DSCAM: variants seen among roughly 807,000 people sequenced by gnomAD.
The protein encoded by DSCAM is DS cell adhesion molecule, also known as cell adhesion molecule DSCAM.
A neutral mutation model predicts 217.7 loss-of-function variants in DSCAM; 47 were observed. That is an observed-to-expected ratio of 0.22 (90% confidence interval 0.17 to 0.28). The LOEUF (loss-of-function observed/expected upper bound fraction) is 0.28. Among genes scored for constraint, DSCAM ranks in the 10% least tolerant of loss-of-function variants. The probability of loss-of-function intolerance (pLI) is 1.00; values close to 1 mark genes in which losing one functional copy is unlikely to be tolerated. For missense variants in DSCAM, 2,080 were observed against 2,618.3 expected (o/e 0.79, Z 4.49); for synonymous variants, 1,056 against 1,015.3 (o/e 1.04, Z -0.76).
chr21:40,054,392 C>G (rs1482773774), intron 29 of DSCAM, among the ~76,000 whole-genome samples: 1 of 152,162 alleles, frequency 6.6e-6, no homozygotes, highest in Non-Finnish European at 1.5e-5. Flanking sequence ...CAGGAGAACC[C>G]AGGCCTTAGA....
chr21:40,479,966 G>T (rs2075968496), intron 3 of DSCAM, among the ~76,000 whole-genome samples: 1 of 152,144 alleles, frequency 6.6e-6, no homozygotes, highest in Non-Finnish European at 1.5e-5. Context: ...CCAGGTAAAT[G>T]ATAGCAACAT....
intron 3 of DSCAM, among the ~76,000 whole-genome samples, chr21:40,463,512 GC>G (rs1460762523): frequency 6.6e-6 from 1 of 152,030 alleles, no homozygotes; most frequent in Non-Finnish European, 1.5e-5. Flanking sequence ...AGCAGCATAG[GC>G]TCTGATCATC....
chr21:40,256,223 T>C (rs1601489637), intron 11 of DSCAM, among the ~76,000 whole-genome samples: 1 of 152,332 alleles, frequency 6.6e-6, no homozygotes, highest in Non-Finnish European at 1.5e-5. Context: ...CATGTTAAAA[T>C]ATGCACACGT....
chr21:40,208,788 G>GCAGAACAGAAA (rs1157575761), intron 11 of DSCAM, among the ~76,000 whole-genome samples: 1 of 152,160 alleles, frequency 6.6e-6, no homozygotes, highest in Non-Finnish European at 1.5e-5. Context: ...AATATGGAGA[G>GCAGAACAGAAA]GCAGCTGCGG....
chr21:40,427,810 C>A (rs1236780381), intron 3 of DSCAM, among the ~76,000 whole-genome samples: 1 of 152,216 alleles, frequency 6.6e-6, no homozygotes, highest in Non-Finnish European at 1.5e-5. Context: ...GCTGCTATGT[C>A]TTCCTGTGAG....
intron 3 of DSCAM, among the ~76,000 whole-genome samples, chr21:40,387,524 T>C (rs1298662014): frequency 6.6e-6 from 1 of 152,170 alleles, no homozygotes. Flanking sequence ...AAATAACATA[T>C]AGTGACTTCG....
chr21:40,461,709 C>T (rs1447676800), intron 3 of DSCAM, among the ~76,000 whole-genome samples: 1 of 152,120 alleles, frequency 6.6e-6, no homozygotes. Context: ...CTGGATTATC[C>T]ACGTGGGTCC....
At chr21:40,664,575 G>A (rs538508657) in intron 3 of DSCAM, among the ~76,000 whole-genome samples, 3 of 152,312 alleles carry the variant, frequency 2.0e-5, no homozygotes, top group East Asian at 1.9e-4. Context: ...CATTCCACGC[G>A]TTTGACCTGT....
At position 40,768,065 on chromosome 21, in the gene DSCAM, G is replaced by A. The variant is rs2091411532; in HGVS notation, c.44-59294C>T. Among the ~76,000 whole-genome samples the A allele has an allele frequency of 2.0e-5, 3 of 152,342 alleles. No homozygotes were observed. In the South Asian group the frequency reaches 6.2e-4, roughly 32 times the overall value. On this transcript the variant is annotated intron_variant, in intron 1 of 32. Transcript: ENST00000400454. ...ACTACTTATAAAACACTCTAAAGTTGACTAATATAGGCAAACACTGTTAAA... is the reference window on the plus strand; with the variant it reads ...ACTACTTATAAAACACTCTAAAGTTAACTAATATAGGCAAACACTGTTAAA...
intron 3 of DSCAM, among the ~76,000 whole-genome samples, chr21:40,457,903 G>T (rs2075776531): frequency 1.3e-5 from 2 of 152,078 alleles, no homozygotes; most frequent in South Asian, 4.1e-4. Context: ...GTTAAAACAG[G>T]GTAGAAAGCA....
intron 9 of DSCAM, among the ~76,000 whole-genome samples, chr21:40,307,237 G>GA (rs199623023): frequency 0.2 from 29,218 of 145,818 alleles, 4,940 homozygotes; most frequent in African/African-American, 0.47. Flanking sequence ...AAATTTACAA[G>GA]AAAAAAAAAA....
chr21:40,639,457 C>T (rs1006066617), intron 3 of DSCAM, among the ~76,000 whole-genome samples: 2 of 151,914 alleles, frequency 1.3e-5, no homozygotes, highest in African/African-American at 4.8e-5. Flanking sequence ...TTATTTTGTG[C>T]GCTCATGTTT....
chr21:40,832,739 G>C (rs2092021893), intron 1 of DSCAM, among the ~76,000 whole-genome samples: 1 of 152,162 alleles, frequency 6.6e-6, no homozygotes, highest in African/African-American at 2.4e-5. Context: ...GTGATAGGGT[G>C]CAAGGAAAAA....
At chr21:40,414,671 A>G (rs2075354256) in intron 3 of DSCAM, among the ~76,000 whole-genome samples, 1 of 152,230 alleles carries the variant, frequency 6.6e-6, no homozygotes, top group Admixed American at 6.5e-5. Context: ...GCAGTGTGAA[A>G]TACATTGATC....
At chr21:40,666,348 C>T (rs2090199411) in intron 3 of DSCAM, among the ~76,000 whole-genome samples, 1 of 152,166 alleles carries the variant, frequency 6.6e-6, no homozygotes, top group African/African-American at 2.4e-5. Flanking sequence ...GTATCATCCT[C>T]ATCATTTTCC....
chr21:40,296,181 A>G lies in DSCAM; in HGVS notation c.2063-7T>C, dbSNP rs2073951961. On this transcript the variant is annotated splice_region_variant and splice_polypyrimidine_tract_variant and intron_variant, in intron 9 of 32. Coordinates refer to ENST00000400454, the MANE Select transcript of DSCAM (RefSeq NM_001389.5). ...ACCACAAACTTGGGAGGAACTGAAA[A>G]GAGAGAAATGTCACCAGTAATTAAG... 1.2e-6 allele frequency: 2 copies of G among 1,613,784 alleles called. No homozygotes were observed. Among genetic ancestry groups the G allele is most frequent in the Non-Finnish European group, 8.5e-7 (1 of 1,179,854 alleles).
In DSCAM at chr21:40,417,557, A is replaced by AAAT. The variant is rs1427643676; in HGVS notation, c.509-48313_509-48312insATT. 7.7e-4 allele frequency among the ~76,000 whole-genome samples: 63 copies of AAAT among 81,308 alleles called. No homozygotes were observed. In the East Asian group the frequency reaches 0.019, roughly 24 times the overall value. The allele number at this position is 81,308 out of a possible 152,430, so 53.3% of individuals were successfully genotyped here. A position where few individuals can be genotyped will look rare whatever the true frequency, so the allele number is the denominator to read the frequency against. On this transcript the variant is annotated intron_variant, in intron 3 of 32. Coordinates refer to ENST00000400454, the MANE Select transcript of DSCAM (RefSeq NM_001389.5). The stretch of plus-strand genomic sequence containing the variant: ...TATTGCATTTGATATTTGATGAAGA[A>AAAT]AAATAGATATACAGAGCCATGTATA...
At chr21:40,306,445 G>A (rs2074077662) in intron 9 of DSCAM, among the ~76,000 whole-genome samples, 1 of 148,834 alleles carries the variant, frequency 6.7e-6, no homozygotes, top group Non-Finnish European at 1.5e-5. Context: ...TCCTTCTCCT[G>A]CCTAATTGCC....
intron 20 of DSCAM, among the ~76,000 whole-genome samples, chr21:40,118,137 A>G (rs1406115375): frequency 2.0e-5 from 3 of 152,228 alleles, no homozygotes; most frequent in Non-Finnish European, 4.4e-5. Context: ...AAAAACTGCG[A>G]AGTCATCCAA....
Sources: gnomAD v4.1 joint callset for allele counts (sites outside exome capture counted in the v4.1 genomes callset) on GRCh38, gnomAD v4.1.1 for gene constraint, MANE v1.5 for transcripts, NCBI Gene and HGNC (gene_info 2026-07-23, HGNC 2026-07-21) for gene names.